Variants in WNT5B observed in about 807,000 individuals in gnomAD.
WNT5B encodes protein Wnt-5b.
Under a neutral mutation model 36.5 loss-of-function variants are expected in WNT5B, and 18 were observed. The ratio of observed to expected loss-of-function variants is 0.49; its 90% confidence interval spans 0.34 to 0.73. The LOEUF (loss-of-function observed/expected upper bound fraction) is 0.73. Among genes scored for constraint, WNT5B ranks in the 30% least tolerant of loss-of-function variants. The pLI, the probability that WNT5B is intolerant of heterozygous loss-of-function variation, is 0.01. For missense variants in WNT5B, 424 were observed against 508.4 expected (o/e 0.83, Z 1.60); for synonymous variants, 213 against 212.3 (o/e 1.00, Z -0.03).
At chr12:1,623,451 T>A (rs1200933822) in intron 1 of WNT5B, among the ~76,000 whole-genome samples, 1 of 152,016 alleles carries the variant, frequency 6.6e-6, no homozygotes, top group East Asian at 1.9e-4. Context: ...CGCCTCGGCC[T>A]CCCAAAGTGC....
chr12:1,645,789 C>T lies in WNT5B; in HGVS notation c.622-5C>T. Reference sequence around the variant, plus strand: ...CTTCTTACTGCCTTCTTTCTCTTCCCCTAGGCTGTGTATAAGATGGCAGAC... The same window carrying T: ...CTTCTTACTGCCTTCTTTCTCTTCCTCTAGGCTGTGTATAAGATGGCAGAC... On this transcript the variant is annotated splice_region_variant and splice_polypyrimidine_tract_variant and intron_variant, in intron 4 of 4. Coordinates refer to ENST00000397196, the MANE Select transcript of WNT5B (RefSeq NM_032642.3). 1 of 1,568,664 alleles carries T rather than the reference C, an allele frequency of 6.4e-7. No homozygotes were observed. The highest frequency in any genetic ancestry group is 8.7e-7 in the Non-Finnish European group (1 of 1,155,074).
chr12:1,646,161 A>G lies in WNT5B; in HGVS notation c.989A>G (p.Gln330Arg). The change falls in exon 5 of 5, where the codon CAG becomes CGG. Residue 330 changes from glutamine (Q) to arginine (R), a missense_variant. Transcript: ENST00000397196. ...GGCTACAACCAGTTCAAGAGCGTGC[A>G]GGTGGAGCGCTGCCACTGCAAGTTC... Reference protein sequence around the residue: ...GRGYNQFKSVQVERCHCKFHW... With the variant: ...GRGYNQFKSVRVERCHCKFHW... 6.2e-7 allele frequency: 1 copy of G among 1,613,778 alleles called. No individual in the cohort carries two copies. Among genetic ancestry groups the G allele is most frequent in the African/African-American group, 1.3e-5 (1 of 75,074 alleles).
At chr12:1,624,187 GAC>G (rs1565603703) in intron 1 of WNT5B, among the ~76,000 whole-genome samples, 2 of 152,110 alleles carry the variant, frequency 1.3e-5, no homozygotes, top group Admixed American at 6.5e-5. Context: ...AGGAGTTCAA[GAC>G]CAGCCTGGCC....
chr12:1,645,431 T>C (rs2094583538), intron 4 of WNT5B, among the ~76,000 whole-genome samples: 1 of 152,178 alleles, frequency 6.6e-6, no homozygotes. Flanking sequence ...ATTTATTTGT[T>C]TGAGGCTTTG....
At chr12:1,639,624 A>G in intron 3 of WNT5B, 60 bp from the exon 4 acceptor site, 2 of 1,428,464 alleles carry the variant, frequency 1.4e-6, no homozygotes, top group Middle Eastern at 1.9e-4. Flanking sequence ...AGACGGGGGG[A>G]AGGACAGGTC....
chr12:1,640,488 C>G (rs1472732099), intron 4 of WNT5B, among the ~76,000 whole-genome samples: 2 of 152,204 alleles, frequency 1.3e-5, no homozygotes, highest in East Asian at 3.9e-4. Flanking sequence ...CACTTCTGAG[C>G]TAGGAGATTT....
chr12:1,642,655 C>G (rs1348769334), intron 4 of WNT5B, among the ~76,000 whole-genome samples: 1 of 152,128 alleles, frequency 6.6e-6, no homozygotes, highest in Admixed American at 6.5e-5. Context: ...TGTGATCAGG[C>G]AGGTGACACC....
chr12:1,639,787 C>T lies in WNT5B; in HGVS notation c.432C>T (p.Ser144=). The T allele has an allele frequency of 3.7e-6, 6 of 1,611,100 alleles. No homozygotes were observed. The highest frequency in any genetic ancestry group is 4.2e-6 in the Non-Finnish European group (5 of 1,178,758). The change falls in exon 4 of 5, where the codon AGC becomes AGT. Residue 144 remains serine, a synonymous_variant. Coordinates refer to ENST00000397196, the MANE Select transcript of WNT5B (RefSeq NM_032642.3). The part of the protein sequence containing the change: ...REGELSTCGC[S]RTARPKDLPR... ...GCGAGCTCTCCACCTGCGGCTGCAGCCGGACGGCGCGGCCCAAGGACCTGC... is the reference window on the plus strand; with the variant it reads ...GCGAGCTCTCCACCTGCGGCTGCAGTCGGACGGCGCGGCCCAAGGACCTGC...
intron 3 of WNT5B, among the ~76,000 whole-genome samples, chr12:1,635,051 C>G (rs888716507): frequency 6.6e-6 from 1 of 152,218 alleles, no homozygotes; most frequent in Admixed American, 6.5e-5. Context: ...CCCGAATTAT[C>G]TCTTTCTTGC....
chr12:1,632,930 C>T lies in WNT5B; in HGVS notation c.328+25C>T, dbSNP rs376743080. On this transcript the variant is annotated intron_variant, in intron 3 of 4. Transcript: ENST00000397196. The surrounding 1 kb of genome is among the most constrained non-coding windows in gnomAD (Gnocchi z 5.8). ...GGTAAGAGGCCATTACAAGAGGGCT[C>T]GGCCAAGGAACTGCACTCGTCTCGT... is the stretch of plus-strand genomic sequence containing the variant. 54 of 1,587,178 alleles carry T rather than the reference C, an allele frequency of 3.4e-5. 1 individual carries two copies. Among genetic ancestry groups the T allele is most frequent in the Admixed American group, 8.5e-5 (5 of 58,988 alleles).
At position 1,630,326 on chromosome 12, in the gene WNT5B, C is replaced by T. The variant is rs1163747652; in HGVS notation, c.-58+955C>T. ...CGCAGGGGCCGTGTGTCCCGAGGCG[C>T]AGGCTCGCTCTAGCAGCACTGACCT... On this transcript the variant is annotated intron_variant, in intron 1 of 4. Coordinates refer to ENST00000397196, the MANE Select transcript of WNT5B (RefSeq NM_032642.3). The surrounding 1 kb of genome is among the most constrained non-coding windows in gnomAD (Gnocchi z 5.3). 1.3e-6 allele frequency: 1 copy of T among 759,456 alleles called. No individual in the cohort carries two copies. Among genetic ancestry groups the T allele is most frequent in the Non-Finnish European group, 1.6e-6 (1 of 623,398 alleles). 47.0% of individuals were successfully genotyped at this position (759,456 alleles called of 1,614,324 possible). A position where few individuals can be genotyped will look rare whatever the true frequency, so the allele number is the denominator to read the frequency against.
intron 3 of WNT5B, among the ~76,000 whole-genome samples, chr12:1,638,359 A>T (rs972812941): frequency 6.6e-6 from 1 of 152,258 alleles, no homozygotes; most frequent in Non-Finnish European, 1.5e-5. Flanking sequence ...TTGCTGTGTC[A>T]TATGGGAACT....
intron 4 of WNT5B, among the ~76,000 whole-genome samples, chr12:1,642,877 G>A (rs2154439855): frequency 6.6e-6 from 1 of 152,094 alleles, no homozygotes; most frequent in Admixed American, 6.5e-5. Flanking sequence ...GCCTCTGCCT[G>A]CTTCAGGTTG....
chr12:1,639,551 G>A (rs1345271285), intron 3 of WNT5B, 133 bp from the exon 4 acceptor site: 10 of 950,706 alleles, frequency 1.1e-5, no homozygotes, highest in Non-Finnish European at 1.5e-5. Flanking sequence ...TTAGAGCTAC[G>A]GGAAGCGAAG....
At chr12:1,619,102 C>T (rs548655361) in intron 1 of WNT5B, among the ~76,000 whole-genome samples, 2 of 145,244 alleles carry the variant, frequency 1.4e-5, no homozygotes, top group South Asian at 4.3e-4. Context: ...TCCTACCAAG[C>T]CCCCAGCCCC....
At position 1,639,820 on chromosome 12, in the gene WNT5B, C is replaced by A; in HGVS notation, c.465C>A (p.Asp155Glu). Residue 155 changes from aspartate (D) to glutamate (E), a missense_variant, in exon 4 of 5, where the codon GAC becomes GAA. Physicochemically the swap from Asp to Glu is conservative, Grantham distance 45. Coordinates refer to ENST00000397196, the MANE Select transcript of WNT5B (RefSeq NM_032642.3). ...RTARPKDLPR[D>E]WLWGGCGDNV... Reference sequence around the variant, plus strand: ...CGCGGCCCAAGGACCTGCCCCGGGACTGGCTGTGGGGCGGCTGTGGGGACA... The same window carrying A: ...CGCGGCCCAAGGACCTGCCCCGGGAATGGCTGTGGGGCGGCTGTGGGGACA... 6.2e-7 allele frequency: 1 copy of A among 1,613,776 alleles called. No individual in the cohort carries two copies. Among genetic ancestry groups the A allele is most frequent in the Non-Finnish European group, 8.5e-7 (1 of 1,179,832 alleles).
chr12:1,618,685 G>A lies in WNT5B; in HGVS notation c.-58+1542G>A, dbSNP rs1032313024. ...TCATCTGCACAGAATAAGACTTCCA[G>A]TGGACTTTTGCTTGATACCTGGGGA... On this transcript the variant is annotated intron_variant, in intron 1 of 4. Transcript: ENST00000310594. This position sits in a 1 kb window ranked among gnomAD's most constrained non-coding sequence, Gnocchi z 4.1. Among the ~76,000 whole-genome samples the A allele has an allele frequency of 6.6e-6, 1 of 152,184 alleles. No homozygotes were observed. Among genetic ancestry groups the A allele is most frequent in the African/African-American group, 2.4e-5 (1 of 41,436 alleles).
In WNT5B at chr12:1,646,639, A is replaced by G. The variant is rs2094586163; in HGVS notation, c.*387A>G. 6.4e-6 allele frequency: 1 copy of G among 155,642 alleles called. No individual in the cohort carries two copies. Among genetic ancestry groups the G allele is most frequent in the African/African-American group, 2.4e-5 (1 of 41,478 alleles). The allele number at this position is 155,642 out of a possible 1,614,324, so 9.6% of individuals were successfully genotyped here. ...AGGACTGCCTGTGATCCTGGCCACT[A>G]GGCCAAGAGGCCCTATGAAGGTGGC... On this transcript the variant is annotated 3_prime_UTR_variant, in exon 5 of 5. Transcript: ENST00000397196.
chr12:1,625,985 T>C (rs2154439386), upstream of WNT5B, among the ~76,000 whole-genome samples: 1 of 150,918 alleles, frequency 6.6e-6, no homozygotes, highest in Middle Eastern at 3.4e-3. Context: ...CTCTCTTTTT[T>C]TTTTTTTTTT....
Sources: allele counts gnomAD v4.1 joint callset (sites outside exome capture counted in the v4.1 genomes callset), GRCh38; gene constraint gnomAD v4.1.1; non-coding constraint Gnocchi (gnomAD v3.1); transcripts MANE v1.5; gene names NCBI Gene and HGNC (gene_info 2026-07-23, HGNC 2026-07-21).